The following SMARCAD1 variants were observed in gnomAD, a reference collection of about 807,000 sequenced individuals.
SMARCAD1 encodes the protein SNF2 related chromatin remodeling ATPase with DExD box 1, also known as SWI/SNF-related matrix-associated actin-dependent regulator of chromatin subfamily A containing DEAD/H box 1.
In SMARCAD1, 25 loss-of-function variants were observed where a neutral mutation model predicts 127.1. The ratio of observed to expected loss-of-function variants is 0.20; its 90% CI spans 0.14 to 0.27. The LOEUF (loss-of-function observed/expected upper bound fraction) is 0.27, where lower values mean the gene tolerates loss of function less well. Among genes scored for constraint, SMARCAD1 ranks in the 10% least tolerant of loss-of-function variants. The pLI is 1.00. For missense variants in SMARCAD1, 807 were observed against 1,206.0 expected, an observed-to-expected ratio of 0.67 and a Z score of 4.90; for synonymous variants, 400 against 396.9, an observed-to-expected ratio of 1.01 and a Z score of -0.09.
chr4:94,270,452 A>G (rs993833766), intron 10 of SMARCAD1: 6 of 339,850 alleles, frequency 1.8e-5, no homozygotes, highest in African/African-American at 8.4e-5. Context: ...TATTCTAATC[A>G]TTTATGGAAT....
intron 21 of SMARCAD1, 102 bp downstream of exon 21, chr4:94,281,692 T>C: frequency 4.9e-6 from 4 of 812,638 alleles, no homozygotes; most frequent in Non-Finnish European, 8.3e-6. Flanking sequence ...GTTGTTTTTA[T>C]GTTTGATTAC....
chr4:94,275,006 G>A, intron 14 of SMARCAD1, 41 bp downstream of exon 14: 1 of 1,377,064 alleles, frequency 7.3e-7, no homozygotes. Context: ...TATTTATGCA[G>A]CCCCCAAATT....
At chr4:94,285,558 G>C (rs972176888) in intron 23 of SMARCAD1, among the ~76,000 whole-genome samples, 1 of 152,058 alleles carries the variant, frequency 6.6e-6, no homozygotes, top group African/African-American at 2.4e-5. Flanking sequence ...TCCTAATATT[G>C]ATAATTGTTC....
intron 23 of SMARCAD1, among the ~76,000 whole-genome samples, chr4:94,287,763 A>C (rs561135541): frequency 6.6e-6 from 1 of 152,184 alleles, no homozygotes. Flanking sequence ...GTATTAATAC[A>C]TTTTTTACCT....
chr4:94,237,346 G>A (rs1387297882), intron 5 of SMARCAD1, among the ~76,000 whole-genome samples: 4 of 151,960 alleles, frequency 2.6e-5, no homozygotes, highest in South Asian at 2.1e-4. Flanking sequence ...AGGGAAAGGC[G>A]TAGCTGGTAA....
intron 4 of SMARCAD1, among the ~76,000 whole-genome samples, chr4:94,236,124 TGAA>T (rs1198176327): frequency 1.3e-5 from 2 of 152,130 alleles, no homozygotes; most frequent in Admixed American, 6.5e-5. Flanking sequence ...ATTTTGAAAA[TGAA>T]GAAGGCCAAT....
chr4:94,283,132 T>A lies in SMARCAD1; in HGVS notation c.2738T>A (p.Ile913Asn), dbSNP rs763142008. The A allele has an allele frequency of 6.2e-7, 1 of 1,612,944 alleles. No individual in the cohort carries two copies. Among genetic ancestry groups the A allele is most frequent in the Non-Finnish European group, 8.5e-7 (1 of 1,179,390 alleles). ...KTQISERIHLIDEFNTDMDIF... is the reference protein window; with the variant it reads ...KTQISERIHLNDEFNTDMDIF... Reference sequence around the variant, plus strand: ...TGTTTATCTTACAGGATTCATCTAATTGATGAGTTTAATACCGATATGGAT... The same window carrying A: ...TGTTTATCTTACAGGATTCATCTAAATGATGAGTTTAATACCGATATGGAT... Residue 913 changes from isoleucine (I) to asparagine (N), a missense_variant, in exon 22 of 24, where the codon ATT becomes AAT. Ile to Asn is a moderately radical substitution (Grantham distance 149, BLOSUM62 -3). Around this residue, in one of 8 missense-constraint regions of SMARCAD1, gnomAD observed 44 missense variants for 119.1 expected, o/e 0.37. Transcript: ENST00000354268.
chr4:94,280,656 T>A lies in SMARCAD1; in HGVS notation c.2483T>A (p.Phe828Tyr). The A allele has an allele frequency of 6.2e-7, 1 of 1,613,858 alleles. No individual in the cohort carries two copies. Among genetic ancestry groups the A allele is most frequent in the Non-Finnish European group, 8.5e-7 (1 of 1,179,870 alleles). The change falls in exon 20 of 24, where the codon TTC (phenylalanine) becomes TAC (tyrosine). Residue 828 changes from phenylalanine to tyrosine, a missense_variant. By Grantham distance (22) the Phe-to-Tyr change is conservative. Coordinates refer to ENST00000354268, the MANE Select transcript of SMARCAD1 (RefSeq NM_020159.5). ...IFEDMEVMTDFELHVLCKQYR... is the reference protein window; with the variant it reads ...IFEDMEVMTDYELHVLCKQYR... Reference sequence around the variant, plus strand: ...GAAGATATGGAAGTTATGACAGACTTCGAACTACATGTACTTTGTAAACAG... The same window carrying A: ...GAAGATATGGAAGTTATGACAGACTACGAACTACATGTACTTTGTAAACAG...
chr4:94,266,341 CT>C (rs1751725770), intron 10 of SMARCAD1, among the ~76,000 whole-genome samples: 1 of 152,058 alleles, frequency 6.6e-6, no homozygotes, highest in Non-Finnish European at 1.5e-5. Context: ...AGTCCTGTTA[CT>C]TGTAAATAGT....
intron 2 of SMARCAD1, among the ~76,000 whole-genome samples, chr4:94,224,834 T>C (rs1288621748): frequency 3.3e-5 from 5 of 152,208 alleles, no homozygotes; most frequent in Admixed American, 6.5e-5. Context: ...TATGTGTCCC[T>C]CATGATTATT....
At chr4:94,250,194 TA>T (rs199753081) in intron 7 of SMARCAD1, among the ~76,000 whole-genome samples, 12 of 150,236 alleles carry the variant, frequency 8.0e-5, no homozygotes, top group African/African-American at 1.7e-4. Context: ...TCAGAGTCAT[TA>T]AAAAAAAAGA....
chr4:94,261,171 A>G (rs573417923), intron 9 of SMARCAD1, among the ~76,000 whole-genome samples: 1 of 151,412 alleles, frequency 6.6e-6, no homozygotes, highest in African/African-American at 2.4e-5. Flanking sequence ...TAATTGCTTT[A>G]TAAAGATTCA....
chr4:94,217,724 T>A (rs1743419752), intron 2 of SMARCAD1, among the ~76,000 whole-genome samples: 1 of 152,232 alleles, frequency 6.6e-6, no homozygotes, highest in African/African-American at 2.4e-5. Context: ...GATTTAATTA[T>A]ATGTCGAATA....
In SMARCAD1 at chr4:94,283,101, C is replaced by G; in HGVS notation, c.2727-20C>G. ...ATACAACTTTTTAGTGAGATTTAACCTAATTTGTTTATCTTACAGGATTCA... is the reference window on the plus strand; with the variant it reads ...ATACAACTTTTTAGTGAGATTTAACGTAATTTGTTTATCTTACAGGATTCA... On this transcript the variant is annotated intron_variant, in intron 21 of 23. Coordinates refer to ENST00000354268, the MANE Select transcript of SMARCAD1 (RefSeq NM_020159.5). 1 of 1,595,996 alleles carries G rather than the reference C, an allele frequency of 6.3e-7. No homozygotes were observed. The highest frequency in any genetic ancestry group is 8.6e-7 in the Non-Finnish European group (1 of 1,165,718).
intron 10 of SMARCAD1, 184 bp from the exon 11 acceptor site, chr4:94,270,544 T>C: frequency 1.8e-6 from 1 of 547,252 alleles, no homozygotes; most frequent in South Asian, 2.0e-5. Context: ...AGAATAAAGT[T>C]TGAGAAGATC....
chr4:94,274,280 G>C (rs1752951964), intron 12 of SMARCAD1, among the ~76,000 whole-genome samples: 1 of 151,778 alleles, frequency 6.6e-6, no homozygotes, highest in African/African-American at 2.4e-5. Context: ...TATTGTAAAG[G>C]GTCTGTGATA....
At chr4:94,263,832 C>T (rs1236718722) in intron 9 of SMARCAD1, among the ~76,000 whole-genome samples, 1 of 151,674 alleles carries the variant, frequency 6.6e-6, no homozygotes, top group Non-Finnish European at 1.5e-5. Flanking sequence ...CATTTTTGCC[C>T]CAAGTATTTC....
At chr4:94,242,145 C>G (rs528955567) in intron 6 of SMARCAD1, among the ~76,000 whole-genome samples, 1 of 152,058 alleles carries the variant, frequency 6.6e-6, no homozygotes, top group African/African-American at 2.4e-5. Flanking sequence ...GCAATTCTCG[C>G]ACCTCAGCCT....
rs1321568600 is a variant in SMARCAD1, at chr4:94,273,614, T to C, written c.1573-3T>C. ...GTTATATATTGTCTTTTAAACTTTT[T>C]AGGGCCTAGGAAAAACTATTCAAGC... On this transcript the variant is annotated splice_region_variant and splice_polypyrimidine_tract_variant and intron_variant, in intron 11 of 23. Coordinates refer to ENST00000354268, the MANE Select transcript of SMARCAD1 (RefSeq NM_020159.5). 6.2e-7 allele frequency: 1 copy of C among 1,611,492 alleles called. No individual in the cohort carries two copies. Among genetic ancestry groups the C allele is most frequent in the Admixed American group, 1.7e-5 (1 of 59,968 alleles).
Sources: allele counts gnomAD v4.1 joint callset (sites outside exome capture counted in the v4.1 genomes callset), GRCh38; gene constraint gnomAD v4.1.1; regional missense constraint gnomAD v4.1.1; transcripts MANE v1.5; gene names NCBI Gene and HGNC (gene_info 2026-07-23, HGNC 2026-07-21).